The following TMEM50B variants were observed in gnomAD, a reference collection of about 807,000 sequenced individuals.
The protein encoded by TMEM50B is HCV p7-trans-regulated protein 3.
TMEM50B carries 14 observed loss-of-function variants against 23.4 expected under a neutral mutation model. The ratio of observed to expected loss-of-function variants is 0.60; its 90% CI spans 0.39 to 0.93. The LOEUF is 0.93. Ranked by LOEUF, TMEM50B falls within the 40% of genes least tolerant of loss-of-function variation. The pLI, the probability that TMEM50B is intolerant of heterozygous loss-of-function variation, is 0.00. For synonymous variants in TMEM50B, 64 were observed against 62.3 expected, an observed-to-expected ratio of 1.03 and a Z score of -0.13; for missense variants, 159 against 193.0, an observed-to-expected ratio of 0.82 and a Z score of 1.04.
intron 1 of TMEM50B, among the ~76,000 whole-genome samples, chr21:33,474,483 C>G (rs1441614922): frequency 6.6e-6 from 1 of 151,452 alleles, no homozygotes; most frequent in African/African-American, 2.4e-5. Flanking sequence ...AAACTGAGAC[C>G]TACAAGAAAA....
At chr21:33,442,073 T>G (rs2084013394) in intron 7 of TMEM50B, among the ~76,000 whole-genome samples, 1 of 152,210 alleles carries the variant, frequency 6.6e-6, no homozygotes, top group South Asian at 2.1e-4. Context: ...ACTTCCACAC[T>G]ATGCAGTCAC....
chr21:33,440,770 T>G (rs1190695389), intron 7 of TMEM50B, among the ~76,000 whole-genome samples: 3 of 151,810 alleles, frequency 2.0e-5, no homozygotes, highest in Non-Finnish European at 4.4e-5. Flanking sequence ...TAATCCCAGC[T>G]ACTCAGGAGG....
chr21:33,442,449 C>A (rs2084016484), intron 7 of TMEM50B, among the ~76,000 whole-genome samples: 1 of 152,064 alleles, frequency 6.6e-6, no homozygotes, highest in South Asian at 2.1e-4. Context: ...GGGCAACTTG[C>A]CAATGCTCTA....
chr21:33,474,933 G>A (rs953323072), intron 1 of TMEM50B, among the ~76,000 whole-genome samples: 5 of 149,342 alleles, frequency 3.3e-5, no homozygotes, highest in Admixed American at 6.7e-5. Context: ...TTCCCCCACC[G>A]CCACCACCCC....
At chr21:33,432,967 C>A (rs767753849) in intron 8 of TMEM50B, 1 of 1,016,728 alleles carries the variant, frequency 9.8e-7, no homozygotes, top group Non-Finnish European at 1.5e-6. Context: ...CTCACTGCAG[C>A]CTCCATCTCC....
At chr21:33,432,865 A>G in intron 8 of TMEM50B, 3 of 1,611,794 alleles carry the variant, frequency 1.9e-6, no homozygotes, top group Non-Finnish European at 2.5e-6. Context: ...CATTACAGAT[A>G]GAAGAGGTAC....
chr21:33,470,893 GAA>G (rs1026928603), intron 1 of TMEM50B, among the ~76,000 whole-genome samples: 1 of 150,582 alleles, frequency 6.6e-6, no homozygotes, highest in Non-Finnish European at 1.5e-5. Context: ...CCCTCTCAAA[GAA>G]AAAAAAAGAA....
chr21:33,460,266 T>C (rs936255643), intron 5 of TMEM50B, 147 bp downstream of exon 5: 3 of 651,718 alleles, frequency 4.6e-6, no homozygotes, highest in Non-Finnish European at 8.3e-6. Context: ...CACTGACAAG[T>C]TTTATTAAAC....
chr21:33,470,131 G>A (rs1012666425), intron 1 of TMEM50B, among the ~76,000 whole-genome samples: 1 of 152,052 alleles, frequency 6.6e-6, no homozygotes, highest in African/African-American at 2.4e-5. Context: ...GCACTGGACA[G>A]GGCTGAAAAA....
chr21:33,444,919 C>T (rs959862560), downstream of TMEM50B, among the ~76,000 whole-genome samples: 6 of 151,476 alleles, frequency 4.0e-5, no homozygotes, highest in Admixed American at 2.0e-4. Flanking sequence ...TCCTTTGAGC[C>T]CAGGAGTTCG....
intron 5 of TMEM50B, among the ~76,000 whole-genome samples, chr21:33,459,724 G>A (rs895782382): frequency 6.6e-6 from 1 of 150,918 alleles, no homozygotes; most frequent in South Asian, 2.1e-4. Context: ...TCAATGAAAC[G>A]AAAGATTATC....
intron 5 of TMEM50B, chr21:33,456,192 G>A (rs2084167073): frequency 6.7e-6 from 3 of 447,506 alleles, no homozygotes; most frequent in Non-Finnish European, 4.6e-6. Flanking sequence ...GAGGTTTTTT[G>A]TGTTTGTTTT....
intron 6 of TMEM50B, 104 bp from the exon 7 acceptor site, chr21:33,450,967 CAATTTTA>C: frequency 1.1e-6 from 1 of 926,956 alleles, no homozygotes; most frequent in Non-Finnish European, 1.7e-6. Context: ...TGATTCCTAT[CAATTTTA>C]AAAATTAAAT....
chr21:33,468,211 T>A (rs743335), intron 2 of TMEM50B, among the ~76,000 whole-genome samples: 22,551 of 151,378 alleles, frequency 0.15, 1,864 homozygotes, highest in African/African-American at 0.21. Flanking sequence ...CCATTCTCTC[T>A]GCTTTTGTTT....
intron 7 of TMEM50B, among the ~76,000 whole-genome samples, chr21:33,443,772 G>T (rs2084028617): frequency 6.6e-6 from 1 of 152,192 alleles, no homozygotes; most frequent in Non-Finnish European, 1.5e-5. Flanking sequence ...GGATTCAAGG[G>T]TAAGTAAACA....
chr21:33,448,026 T>C (rs1293837691), downstream of TMEM50B, among the ~76,000 whole-genome samples: 1 of 152,196 alleles, frequency 6.6e-6, no homozygotes, highest in Non-Finnish European at 1.5e-5. Context: ...GGAGTCTCGC[T>C]TTGTCACCCA....
chr21:33,447,367 G>A (rs922700089), downstream of TMEM50B, among the ~76,000 whole-genome samples: 10 of 152,038 alleles, frequency 6.6e-5, no homozygotes, highest in African/African-American at 2.4e-4. Context: ...GACTGCTTGA[G>A]CCAAGGAGTT....
intron 3 of TMEM50B, among the ~76,000 whole-genome samples, chr21:33,465,834 G>GTATA (rs1568983987): frequency 6.9e-6 from 1 of 144,804 alleles, no homozygotes; most frequent in Non-Finnish European, 1.5e-5. Context: ...TGTAGCTTAT[G>GTATA]TATAATATGC....
chr21:33,435,083 T>C (rs1206279449), intron 8 of TMEM50B, among the ~76,000 whole-genome samples: 3 of 152,240 alleles, frequency 2.0e-5, no homozygotes, highest in African/African-American at 7.2e-5. Flanking sequence ...TACAAGCTTA[T>C]TGTCTTCCAG....
Sources: gnomAD v4.1 joint callset for allele counts (sites outside exome capture counted in the v4.1 genomes callset) on GRCh38, gnomAD v4.1.1 for gene constraint, MANE v1.5 for transcripts, NCBI Gene and HGNC (gene_info 2026-07-23, HGNC 2026-07-21) for gene names.